The following SYNDIG1L variants were observed in gnomAD, a reference collection of about 807,000 sequenced individuals.
SYNDIG1L encodes synapse differentiation inducing 1 like, also known as synapse differentiation-inducing gene protein 1-like.
SYNDIG1L carries 13 observed loss-of-function variants against 20.1 expected under a neutral mutation model. The observed-to-expected ratio is 0.65, with a 90% CI of 0.42 to 1.03. The LOEUF (loss-of-function observed/expected upper bound fraction) is 1.03, where lower values mean the gene tolerates loss of function less well. Among genes scored for constraint, SYNDIG1L ranks in the 50% least tolerant of loss-of-function variants. The pLI is 0.00. For synonymous variants in SYNDIG1L, 128 were observed against 129.3 expected (o/e 0.99, Z 0.07); for missense variants, 294 against 305.1 (o/e 0.96, Z 0.27).
At chr14:74,422,334 T>C (rs920157857) in intron 1 of SYNDIG1L, among the ~76,000 whole-genome samples, 4 of 152,070 alleles carry the variant, frequency 2.6e-5, no homozygotes, top group Non-Finnish European at 5.9e-5. Flanking sequence ...TAGTGTCCCC[T>C]GGCTTGCAGC....
intron 1 of SYNDIG1L, among the ~76,000 whole-genome samples, chr14:74,423,697 C>T (rs911268600): frequency 0.031 from 1,660 of 54,420 alleles, 16 homozygotes; most frequent in African/African-American, 0.058. Context: ...TATATATACA[C>T]ACACACACAC....
In SYNDIG1L at chr14:74,418,100, A is replaced by T. The variant is rs2086191454; in HGVS notation, c.-58+7812T>A. ...TGAAATCTTTTAGAACAGGCGCTAG[A>T]CCGTCTTCTAATCAGATCATGTATA... On this transcript the variant is annotated intron_variant, in intron 1 of 3. Transcript: ENST00000331628. 4.6e-5 allele frequency among the ~76,000 whole-genome samples: 7 copies of T among 152,342 alleles called. No homozygotes were observed. In the South Asian group the frequency reaches 1.4e-3, roughly 32 times the overall value.
intron 1 of SYNDIG1L, among the ~76,000 whole-genome samples, chr14:74,417,392 C>T (rs1178696870): frequency 6.6e-6 from 1 of 152,192 alleles, no homozygotes; most frequent in Non-Finnish European, 1.5e-5. Flanking sequence ...GCATCATGAA[C>T]ACTGTTAAAG....
chr14:74,461,624 CT>C, the SYNDIG1L span, among the ~76,000 whole-genome samples: 1 of 150,542 alleles, frequency 6.6e-6, no homozygotes. Flanking sequence ...CTACTGGCTT[CT>C]TCTCATTAGC....
At chr14:74,422,588 T>C (rs1427571834) in intron 1 of SYNDIG1L, among the ~76,000 whole-genome samples, 3 of 151,564 alleles carry the variant, frequency 2.0e-5, no homozygotes, top group Non-Finnish European at 4.4e-5. Context: ...GCTTCTGCCA[T>C]TTTGTGTGTA....
At chr14:74,448,532 T>G in the SYNDIG1L span, among the ~76,000 whole-genome samples, 5 of 152,126 alleles carry the variant, frequency 3.3e-5, no homozygotes, top group African/African-American at 1.2e-4. Flanking sequence ...ACAGACAGAT[T>G]CATAATTATA....
chr14:74,436,107 G>T, the SYNDIG1L span, among the ~76,000 whole-genome samples: 1 of 152,116 alleles, frequency 6.6e-6, no homozygotes, highest in Admixed American at 6.5e-5. Context: ...AAGACGGGAT[G>T]ATTTTAGCTG....
At chr14:74,438,995 T>A in the SYNDIG1L span, among the ~76,000 whole-genome samples, 1 of 151,696 alleles carries the variant, frequency 6.6e-6, no homozygotes, top group South Asian at 2.1e-4. Context: ...GTGCCTGTAA[T>A]CCCAGCTACT....
At chr14:74,479,928 C>A in the SYNDIG1L span, 1 of 1,230,148 alleles carries the variant, frequency 8.1e-7, no homozygotes, top group Non-Finnish European at 1.0e-6. Context: ...CAGGAGAAGA[C>A]CACAGCCCAC....
the SYNDIG1L span, among the ~76,000 whole-genome samples, chr14:74,449,438 C>CCA: frequency 2.9e-5 from 1 of 34,000 alleles, no homozygotes; most frequent in Admixed American, 3.8e-4. Flanking sequence ...CCTGTCTTTA[C>CCA]AAAAAAAAAA....
chr14:74,427,933 T>C (rs1350716483), upstream of SYNDIG1L, among the ~76,000 whole-genome samples: 1 of 152,224 alleles, frequency 6.6e-6, no homozygotes, highest in Non-Finnish European at 1.5e-5. Context: ...CTGGCTGTGC[T>C]CCATGCCTGG....
chr14:74,448,952 T>A, the SYNDIG1L span, among the ~76,000 whole-genome samples: 1 of 152,050 alleles, frequency 6.6e-6, no homozygotes. Flanking sequence ...AAATTAGGGC[T>A]AGGTGCAGTG....
rs33945889 is a variant in SYNDIG1L at position 74,420,390 on chromosome 14, C to CAAA, written c.-58+5519_-58+5521dup. 4.4e-3 allele frequency among the ~76,000 whole-genome samples: 432 copies of CAAA among 99,210 alleles called. 12 individuals carry two copies. The highest frequency in any genetic ancestry group is 0.012 in the African/African-American group (301 of 25,984). The allele number at this position is 99,210 out of a possible 152,430, so 65.1% of individuals were successfully genotyped here. ...CCTGTGTGACAGAGTGAGACTCTGT[C>CAAA]AAAAAAAAAAAAAAAAAATGCAGGC... On this transcript the variant is annotated intron_variant, in intron 1 of 3. Transcript: ENST00000331628.
chr14:74,411,279 T>C (rs1004566645), intron 1 of SYNDIG1L, among the ~76,000 whole-genome samples: 1 of 152,192 alleles, frequency 6.6e-6, no homozygotes, highest in Non-Finnish European at 1.5e-5. Flanking sequence ...AAAGTTGTTT[T>C]GTGGAGCCAA....
At chr14:74,469,519 T>TAAA in the SYNDIG1L span, among the ~76,000 whole-genome samples, 3 of 148,754 alleles carry the variant, frequency 2.0e-5, no homozygotes, top group African/African-American at 7.4e-5. Context: ...TAAAGTATAA[T>TAAA]AAAAAAAAAA....
chr14:74,440,769 A>G, the SYNDIG1L span, among the ~76,000 whole-genome samples: 137 of 152,084 alleles, frequency 9.0e-4, no homozygotes, highest in Middle Eastern at 6.8e-3. Flanking sequence ...TTTTTTAAAG[A>G]CGTGATAAAT....
chr14:74,473,751 T>C, the SYNDIG1L span, among the ~76,000 whole-genome samples: 3 of 152,194 alleles, frequency 2.0e-5, no homozygotes, highest in Non-Finnish European at 4.4e-5. Flanking sequence ...GCTCAGTAAG[T>C]ATTGGTTGAA....
chr14:74,477,786 C>T, the SYNDIG1L span, among the ~76,000 whole-genome samples: 44 of 152,290 alleles, frequency 2.9e-4, no homozygotes, highest in African/African-American at 9.6e-4. Context: ...CATGTAAGAG[C>T]TGAGCCTCCA....
At chr14:74,467,751 G>A in the SYNDIG1L span, among the ~76,000 whole-genome samples, 10 of 152,316 alleles carry the variant, frequency 6.6e-5, no homozygotes, top group Admixed American at 1.3e-4. Context: ...GGGGCTGATG[G>A]GGGGTGTGAC....
Sources: allele counts gnomAD v4.1 joint callset (sites outside exome capture counted in the v4.1 genomes callset), GRCh38; gene constraint gnomAD v4.1.1; transcripts MANE v1.5; gene names NCBI Gene and HGNC (gene_info 2026-07-23, HGNC 2026-07-21).